Variants in GABRP observed in about 807,000 individuals in gnomAD.
GABRP encodes the protein gamma-aminobutyric acid type A receptor subunit pi.
A neutral mutation model predicts 47.8 loss-of-function variants in GABRP; 52 were observed. The ratio of observed to expected loss-of-function variants is 1.09; its 90% CI spans 0.87 to 1.37. The LOEUF (loss-of-function observed/expected upper bound fraction) is 1.37, where lower values mean the gene tolerates loss of function less well. Ranked by LOEUF, GABRP falls within the 40% of genes most tolerant of loss-of-function variation. The probability of loss-of-function intolerance (pLI) is 0.00; values close to 1 mark genes in which losing one functional copy is unlikely to be tolerated. For synonymous variants in GABRP, 221 were observed against 205.8 expected, an observed-to-expected ratio of 1.07 and a Z score of -0.63; for missense variants, 525 against 542.8, an observed-to-expected ratio of 0.97 and a Z score of 0.33.
At chr5:170,784,247 T>C (rs732157) in intron 1 of GABRP, among the ~76,000 whole-genome samples, 83,497 of 152,106 alleles carry the variant, frequency 0.55, 24,324 homozygotes, top group East Asian at 0.74. Flanking sequence ...GCTGAAGTGA[T>C]AAGGATAGGA....
At chr5:170,790,419 C>A (rs545599145) in intron 3 of GABRP, among the ~76,000 whole-genome samples, 116 of 152,256 alleles carry the variant, frequency 7.6e-4, no homozygotes, top group African/African-American at 2.5e-3. Context: ...TATTTTCATC[C>A]CTTCTCCTCC....
Position 170,789,267 on chromosome 5 carries a change from C to T in GABRP, c.172+20C>T, listed in dbSNP as rs1765203495. The T allele has an allele frequency of 2.0e-6, 3 of 1,499,638 alleles. No homozygotes were observed. Among genetic ancestry groups the T allele is most frequent in the African/African-American group, 1.4e-5 (1 of 72,708 alleles). 92.9% of individuals were successfully genotyped at this position (1,499,638 alleles called of 1,614,324 possible). On this transcript the variant is annotated intron_variant, in intron 3 of 9. Coordinates refer to ENST00000265294, the MANE Select transcript of GABRP (RefSeq NM_014211.3). ...TTGGTGGTAGGTCATCCTCTGTGTC[C>T]AGGACATCATTCAAAGGGACGAAAA...
chr5:170,791,358 C>G (rs562984663), intron 3 of GABRP, among the ~76,000 whole-genome samples: 9 of 152,370 alleles, frequency 5.9e-5, no homozygotes, highest in African/African-American at 2.2e-4. Flanking sequence ...AGGCTGGAGG[C>G]CCACGGAGGG....
chr5:170,809,896 G>T, intron 9 of GABRP, 141 bp downstream of exon 9: 1 of 800,156 alleles, frequency 1.2e-6, no homozygotes, highest in South Asian at 1.5e-5. Context: ...TTGTTCAGGT[G>T]GGAGCAGCTG....
chr5:170,806,371 A>AT (rs1441798300), intron 7 of GABRP, among the ~76,000 whole-genome samples: 4 of 152,194 alleles, frequency 2.6e-5, no homozygotes, highest in African/African-American at 9.7e-5. Flanking sequence ...AGCAGCTGGC[A>AT]TTTTCCTCTC....
At chr5:170,791,035 C>T (rs970218606) in intron 3 of GABRP, among the ~76,000 whole-genome samples, 2 of 152,228 alleles carry the variant, frequency 1.3e-5, no homozygotes, top group African/African-American at 2.4e-5. Context: ...ATGACAAGCA[C>T]GTGAGTCTGC....
At position 170,789,198 on chromosome 5, in the gene GABRP, T is replaced by C; in HGVS notation, c.123T>C (p.Phe41=). Residue 41 remains phenylalanine (F), a synonymous_variant, in exon 3 of 10, where the codon TTT becomes TTC. Transcript: ENST00000265294. ...GRSDKLSLPG[F]ENLTAGYNKF... ...GTGACAAGCTTTCCCTGCCTGGCTT[T>C]GAGAACCTCACAGCAGGATATAACA... 6.2e-7 allele frequency: 1 copy of C among 1,614,216 alleles called. No individual in the cohort carries two copies. Among genetic ancestry groups the C allele is most frequent in the Non-Finnish European group, 8.5e-7 (1 of 1,180,036 alleles).
chr5:170,798,234 G>C (rs1765488690), intron 6 of GABRP, among the ~76,000 whole-genome samples: 1 of 152,094 alleles, frequency 6.6e-6, no homozygotes, highest in East Asian at 1.9e-4. Flanking sequence ...GTAGAGACAG[G>C]GTTTCACCAT....
chr5:170,808,694 G>C lies in GABRP; in HGVS notation c.774G>C (p.Val258=), dbSNP rs768386418. The C allele has an allele frequency of 6.2e-7, 1 of 1,613,796 alleles. No homozygotes were observed. The highest frequency in any genetic ancestry group is 8.5e-7 in the Non-Finnish European group (1 of 1,179,662). ...ACGTTCCTTCCACTTTCCTGGTGGTGTTGTCCTGGGTTTCATTTTGGATCT... is the reference window on the plus strand; with the variant it reads ...ACGTTCCTTCCACTTTCCTGGTGGTCTTGTCCTGGGTTTCATTTTGGATCT... ...ETYVPSTFLV[V]LSWVSFWISL... is the part of the protein sequence containing the mutation. Residue 258 remains valine, a synonymous_variant, in exon 8 of 10, where the codon GTG becomes GTC. Coordinates refer to ENST00000265294, the MANE Select transcript of GABRP (RefSeq NM_014211.3).
chr5:170,806,971 T>C (rs1043987589), intron 7 of GABRP, among the ~76,000 whole-genome samples: 1 of 152,116 alleles, frequency 6.6e-6, no homozygotes, highest in Non-Finnish European at 1.5e-5. Context: ...TTTGAGACAG[T>C]GTCTCACTCT....
intron 7 of GABRP, 36 bp downstream of exon 7, chr5:170,805,889 A>G: frequency 6.2e-7 from 1 of 1,608,458 alleles, no homozygotes; most frequent in East Asian, 2.2e-5. Context: ...AATAAAAATA[A>G]GTGAACTGAG....
At position 170,811,981 on chromosome 5, in the gene GABRP, T is replaced by C. The variant is rs61733087; in HGVS notation, c.1046T>C (p.Val349Ala). 6.1e-3 allele frequency: 9,917 copies of C among 1,614,046 alleles called. 44 individuals are homozygous for C. The highest frequency in any genetic ancestry group is 8.1e-3 in the Middle Eastern group (49 of 6,058). Reference sequence around the variant, plus strand: ...GGGACAACAAAGGAAGTAGAAGAAGTCAGTATTACTAATATCATCAACAGC... The same window carrying C: ...GGGACAACAAAGGAAGTAGAAGAAGCCAGTATTACTAATATCATCAACAGC... ...DRGTTKEVEE[V>A]SITNIINSSI... is the part of the protein sequence containing the mutation. Residue 349 changes from valine (V) to alanine (A), a missense_variant, in exon 10 of 10, where the codon GTC becomes GCC. Coordinates refer to ENST00000265294, the MANE Select transcript of GABRP (RefSeq NM_014211.3).
At chr5:170,802,965 C>T (rs1434871292) in intron 6 of GABRP, among the ~76,000 whole-genome samples, 1 of 152,178 alleles carries the variant, frequency 6.6e-6, no homozygotes, top group African/African-American at 2.4e-5. Context: ...CCACAGTTTT[C>T]CTTATTCACC....
intron 4 of GABRP, 26 bp downstream of exon 4, chr5:170,794,324 C>T: frequency 7.1e-7 from 1 of 1,399,344 alleles, no homozygotes; most frequent in Non-Finnish European, 1.0e-6. Flanking sequence ...TTGTACTCTA[C>T]CCAAGTAGTC....
chr5:170,809,454 C>G, intron 8 of GABRP, 114 bp from the exon 9 acceptor site: 1 of 950,844 alleles, frequency 1.1e-6, no homozygotes, highest in Non-Finnish European at 1.7e-6. Context: ...GAGATGCATT[C>G]CATTTCTGGG....
chr5:170,797,720 T>C (rs1243016407), intron 6 of GABRP, among the ~76,000 whole-genome samples, 172 bp downstream of exon 6: 1 of 152,236 alleles, frequency 6.6e-6, no homozygotes. Context: ...CTCAAAGATA[T>C]GCCTAATATC....
chr5:170,807,066 A>C (rs1425898475), intron 7 of GABRP, among the ~76,000 whole-genome samples: 1 of 152,154 alleles, frequency 6.6e-6, no homozygotes, highest in Admixed American at 6.5e-5. Context: ...CTCCCACCTC[A>C]GTCTCACTGG....
intron 6 of GABRP, among the ~76,000 whole-genome samples, chr5:170,800,828 C>T (rs370804115): frequency 5.9e-5 from 9 of 152,146 alleles, no homozygotes; most frequent in Admixed American, 6.5e-5. Flanking sequence ...TGACTGTAAT[C>T]CCAGCTACTT....
At chr5:170,804,686 T>C (rs1191126036) in intron 6 of GABRP, among the ~76,000 whole-genome samples, 1 of 152,108 alleles carries the variant, frequency 6.6e-6, no homozygotes, top group African/African-American at 2.4e-5. Flanking sequence ...AATGAGATGA[T>C]AATGTTGTAA....
Sources: gnomAD v4.1 joint callset for allele counts (sites outside exome capture counted in the v4.1 genomes callset) on GRCh38, gnomAD v4.1.1 for gene constraint, MANE v1.5 for transcripts, NCBI Gene and HGNC (gene_info 2026-07-23, HGNC 2026-07-21) for gene names.